Variants in LNP1 observed in about 807,000 individuals in gnomAD.
LNP1 encodes the protein leukemia NUP98 fusion partner 1.
In LNP1, 12 loss-of-function variants were observed where a neutral mutation model predicts 14.5. The ratio of observed to expected loss-of-function variants is 0.83; its 90% CI spans 0.53 to 1.34. LNP1 has a LOEUF of 1.34. LNP1 is among the 40% of genes most tolerant of loss of function. The pLI is 0.00. For missense variants in LNP1, 198 were observed against 210.9 expected, an observed-to-expected ratio of 0.94 and a Z score of 0.38; for synonymous variants, 75 against 71.4, an observed-to-expected ratio of 1.05 and a Z score of -0.26.
At chr3:100,447,361 A>G (rs1204425590) in intron 2 of LNP1, among the ~76,000 whole-genome samples, 1 of 152,186 alleles carries the variant, frequency 6.6e-6, no homozygotes, top group East Asian at 1.9e-4. Context: ...AGAAAACCAA[A>G]CACCGCATGT....
chr3:100,430,089 T>C (rs1707228555), intron 2 of LNP1, among the ~76,000 whole-genome samples: 1 of 152,190 alleles, frequency 6.6e-6, no homozygotes, highest in Non-Finnish European at 1.5e-5. Flanking sequence ...TGGGTAATGA[T>C]TTCTTCATTT....
At chr3:100,423,516 C>A (rs1199387259) in intron 1 of LNP1, among the ~76,000 whole-genome samples, 1 of 151,956 alleles carries the variant, frequency 6.6e-6, no homozygotes, top group Non-Finnish European at 1.5e-5. Context: ...AAGGGAAAAT[C>A]ATTTTCTCAT....
intron 2 of LNP1, among the ~76,000 whole-genome samples, chr3:100,450,116 C>A: frequency 2.2e-5 from 3 of 134,378 alleles, no homozygotes; most frequent in African/African-American, 5.8e-5. Flanking sequence ...TTGGTGGGAA[C>A]GTAGCCACTT....
intron 2 of LNP1, among the ~76,000 whole-genome samples, chr3:100,440,897 C>T (rs1707337970): frequency 6.6e-6 from 1 of 152,176 alleles, no homozygotes; most frequent in South Asian, 2.1e-4. Context: ...AAAAGGCTTT[C>T]TGAGGAAATG....
At chr3:100,451,133 C>G (rs747702314) in intron 2 of LNP1, among the ~76,000 whole-genome samples, 2 of 152,224 alleles carry the variant, frequency 1.3e-5, no homozygotes, top group Non-Finnish European at 2.9e-5. Context: ...CCCCCAAAAT[C>G]TGAGGCAGGT....
chr3:100,449,348 T>C (rs897390497), intron 2 of LNP1, among the ~76,000 whole-genome samples: 3 of 152,180 alleles, frequency 2.0e-5, no homozygotes, highest in African/African-American at 7.2e-5. Flanking sequence ...TAGTAATAAA[T>C]CAGGTGACAC....
At position 100,456,060 on chromosome 3, in the gene LNP1, T is replaced by C; in HGVS notation, c.*134T>C. ...AGCTATAAAAAGCAACTGCAGATGC[T>C]GACTGACTGCAGTGGGCAGGGTATG... On this transcript the variant is annotated 3_prime_UTR_variant, in exon 4 of 4. Coordinates refer to ENST00000383693, the MANE Select transcript of LNP1 (RefSeq NM_001085451.2). The C allele has an allele frequency of 1.2e-6, 1 of 866,218 alleles. No individual in the cohort carries two copies. Among genetic ancestry groups the C allele is most frequent in the Non-Finnish European group, 1.8e-6 (1 of 553,290 alleles). The allele number at this position is 866,218 out of a possible 1,614,324, so 53.7% of individuals were successfully genotyped here.
At chr3:100,427,524 C>G (rs1288609828) in intron 1 of LNP1, among the ~76,000 whole-genome samples, 3 of 152,170 alleles carry the variant, frequency 2.0e-5, no homozygotes, top group Non-Finnish European at 4.4e-5. Context: ...TGAAGGTTCA[C>G]CATCATGTCT....
rs1184507096 is a variant in LNP1, at chr3:100,422,783, CAT to C, written c.-33-6912_-33-6911del. 2.1e-5 allele frequency among the ~76,000 whole-genome samples: 3 copies of C among 139,658 alleles called. No homozygotes were observed. The East Asian group carries it at 6.8e-4, about 32-fold the overall frequency. The allele number at this position is 139,658 out of a possible 152,430, so 91.6% of individuals were successfully genotyped here. A position where few individuals can be genotyped will look rare whatever the true frequency, so the allele number is the denominator to read the frequency against. Reference sequence around the variant, plus strand: ...TATTTTATAGGCAAATCTCTGAAAACATACCTTGCTTTGTCTCCTCTTTTTTT... The same window carrying C: ...TATTTTATAGGCAAATCTCTGAAAACACCTTGCTTTGTCTCCTCTTTTTTT... On this transcript the variant is annotated intron_variant, in intron 1 of 3. Transcript: ENST00000383693.
intron 1 of LNP1, among the ~76,000 whole-genome samples, chr3:100,429,199 T>A (rs1368964137): frequency 6.6e-6 from 1 of 152,232 alleles, no homozygotes; most frequent in Admixed American, 6.5e-5. Flanking sequence ...AATATCATTT[T>A]ATTAGGAGAG....
At position 100,401,834 on chromosome 3, in the gene LNP1, T is replaced by C. The variant is rs1470059607; in HGVS notation, c.-639T>C. On this transcript the variant is annotated 5_prime_UTR_variant, in exon 1 of 4. Transcript: ENST00000383693. ...ACGGTTTGAGCGTGGTCGCTGTGGC[T>C]CATCGTCGGCACCAATTAACGAAGC... is the stretch of plus-strand genomic sequence containing the variant. The C allele has an allele frequency of 2.0e-5, 3 of 152,248 alleles. No individual in the cohort carries two copies. The highest frequency in any genetic ancestry group is 4.4e-5 in the Non-Finnish European group (3 of 68,046). The allele number at this position is 152,248 out of a possible 1,614,324, so 9.4% of individuals were successfully genotyped here.
At chr3:100,416,599 T>TGTGTGTGTGTGTG (rs1553740770) in intron 1 of LNP1, among the ~76,000 whole-genome samples, 4 of 94,620 alleles carry the variant, frequency 4.2e-5, no homozygotes, top group Non-Finnish European at 6.2e-5. Context: ...TATATCTTTT[T>TGTGTGTGTGTGTG]TGTGTGTGTG....
At chr3:100,404,873 A>C (rs1385126200) in intron 1 of LNP1, among the ~76,000 whole-genome samples, 1 of 146,618 alleles carries the variant, frequency 6.8e-6, no homozygotes, top group Non-Finnish European at 1.5e-5. Context: ...GCTTACTGCA[A>C]CCTCTGCCTC....
At chr3:100,446,180 C>T (rs1314214392) in intron 2 of LNP1, among the ~76,000 whole-genome samples, 1 of 152,194 alleles carries the variant, frequency 6.6e-6, no homozygotes, top group Non-Finnish European at 1.5e-5. Flanking sequence ...GGAGGCATCA[C>T]ACTACCTGAC....
chr3:100,432,479 C>G (rs1489472536), intron 2 of LNP1, among the ~76,000 whole-genome samples: 4 of 152,072 alleles, frequency 2.6e-5, no homozygotes, highest in Admixed American at 2.0e-4. Flanking sequence ...GACTGTCAGT[C>G]TAGTAGAAAA....
At chr3:100,453,681 C>T (rs954907298) in intron 3 of LNP1, among the ~76,000 whole-genome samples, 2 of 151,748 alleles carry the variant, frequency 1.3e-5, no homozygotes, top group Non-Finnish European at 2.9e-5. Flanking sequence ...AAGAATAGGA[C>T]AAAGAATTCC....
chr3:100,432,461 A>G (rs887055208), intron 2 of LNP1, among the ~76,000 whole-genome samples: 1 of 152,192 alleles, frequency 6.6e-6, no homozygotes, highest in African/African-American at 2.4e-5. Context: ...CAGTCCCCAC[A>G]CTTGTGGGAC....
intron 1 of LNP1, among the ~76,000 whole-genome samples, chr3:100,413,154 T>G (rs1707046467): frequency 6.6e-6 from 1 of 152,210 alleles, no homozygotes; most frequent in Admixed American, 6.5e-5. Context: ...CATGCTGTGG[T>G]CACTGCTACC....
chr3:100,438,843 C>T (rs900965008), intron 2 of LNP1, among the ~76,000 whole-genome samples: 3 of 152,132 alleles, frequency 2.0e-5, no homozygotes, highest in African/African-American at 7.2e-5. Context: ...CCAGGTGCTA[C>T]AGCGTGATTC....
Sources: allele counts gnomAD v4.1 joint callset (sites outside exome capture counted in the v4.1 genomes callset), GRCh38; gene constraint gnomAD v4.1.1; transcripts MANE v1.5; gene names NCBI Gene and HGNC (gene_info 2026-07-23, HGNC 2026-07-21).